Variants in SEC14L3 observed in about 807,000 individuals in gnomAD.
SEC14L3 encodes SEC14-like protein 3.
Under a neutral mutation model 57.4 loss-of-function variants are expected in SEC14L3, and 56 were observed. The ratio of observed to expected loss-of-function variants is 0.97; its 90% confidence interval spans 0.79 to 1.22. The LOEUF (loss-of-function observed/expected upper bound fraction) is 1.22, where lower values mean the gene tolerates loss of function less well. Ranked by LOEUF, SEC14L3 falls within the 50% of genes most tolerant of loss-of-function variation. The pLI is 0.00. For synonymous variants in SEC14L3, 173 were observed against 194.4 expected (o/e 0.89, Z 0.92); for missense variants, 485 against 511.7 (o/e 0.95, Z 0.50).
rs1317459227 is a variant in SEC14L3, at chr22:30,468,387, G to A, written c.423+121C>T. On this transcript the variant is annotated intron_variant, in intron 5 of 11. Transcript: ENST00000215812. ...CACACAGCTGGTAAGCAACAGAGCTGGTGTTTGACCCCAGAGCCCTCTGAC... is the reference window on the plus strand; with the variant it reads ...CACACAGCTGGTAAGCAACAGAGCTAGTGTTTGACCCCAGAGCCCTCTGAC... The A allele has an allele frequency of 1.1e-5, 7 of 659,892 alleles. No homozygotes were observed. The Admixed American group carries it at 1.1e-4, about 10-fold the overall frequency. 40.9% of individuals were successfully genotyped at this position (659,892 alleles called of 1,614,324 possible).
downstream of SEC14L3, among the ~76,000 whole-genome samples, chr22:30,455,230 AT>A (rs1935100080): frequency 7.9e-6 from 1 of 126,274 alleles, no homozygotes; most frequent in South Asian, 2.2e-4. Flanking sequence ...AATATAATAT[AT>A]AATATTTAAT....
chr22:30,456,918 G>C (rs920270224), downstream of SEC14L3, among the ~76,000 whole-genome samples: 2 of 152,164 alleles, frequency 1.3e-5, no homozygotes, highest in African/African-American at 4.8e-5. Context: ...GATGCTGATG[G>C]GCACTTTGCA....
At chr22:30,454,669 ATAATAT>A, downstream of SEC14L3, among the ~76,000 whole-genome samples, 1 of 102,790 alleles carries the variant, frequency 9.7e-6, no homozygotes, top group Non-Finnish European at 1.7e-5. Context: ...TATATAATCT[ATAATAT>A]TATTATATAA....
chr22:30,447,737 G>C (rs910475056), downstream of SEC14L3, among the ~76,000 whole-genome samples: 4 of 152,138 alleles, frequency 2.6e-5, no homozygotes, highest in African/African-American at 9.7e-5. Context: ...TGAGTGAGGA[G>C]GACTTTGGAG....
chr22:30,467,763 A>C (rs1935467782), intron 5 of SEC14L3, among the ~76,000 whole-genome samples: 1 of 152,238 alleles, frequency 6.6e-6, no homozygotes, highest in Non-Finnish European at 1.5e-5. Flanking sequence ...TAGCAAGGGC[A>C]AAGAAAGGCT....
chr22:30,471,930 G>A lies in SEC14L3; in HGVS notation c.29C>T (p.Pro10Leu). The A allele has an allele frequency of 1.2e-6, 2 of 1,611,718 alleles. No homozygotes were observed. Among genetic ancestry groups the A allele is most frequent in the Non-Finnish European group, 1.7e-6 (2 of 1,178,904 alleles). The part of the protein sequence containing the change: MSGRVGDLS[P>L]KQAETLAKFR... ...CTTGGCCAGGGTCTCTGCCTGTTTGGGGCTCAGGTCTCCAACTCGGCCGCT... is the reference window on the plus strand; with the variant it reads ...CTTGGCCAGGGTCTCTGCCTGTTTGAGGCTCAGGTCTCCAACTCGGCCGCT... The change falls in exon 1 of 12, where the codon CCC (proline) becomes CTC (leucine). Residue 10 changes from proline (P) to leucine (L), a missense_variant. Transcript: ENST00000215812.
At chr22:30,468,022 T>C (rs914086177) in intron 5 of SEC14L3, among the ~76,000 whole-genome samples, 5 of 152,164 alleles carry the variant, frequency 3.3e-5, no homozygotes, top group African/African-American at 1.2e-4. Flanking sequence ...GGCTCACGCC[T>C]GTAATCCCAG....
intron 12 of SEC14L3, among the ~76,000 whole-genome samples, chr22:30,452,540 C>T (rs1250040374): frequency 6.6e-6 from 1 of 151,838 alleles, no homozygotes; most frequent in Non-Finnish European, 1.5e-5. Context: ...CTTTTCCAGA[C>T]CTCCCCTTCC....
At chr22:30,454,314 C>T (rs1321703957), downstream of SEC14L3, among the ~76,000 whole-genome samples, 1 of 151,798 alleles carries the variant, frequency 6.6e-6, no homozygotes, top group African/African-American at 2.4e-5. Context: ...TGGTGCCCTG[C>T]CAGCTGGGAG....
At chr22:30,456,943 C>A (rs1362781017), downstream of SEC14L3, among the ~76,000 whole-genome samples, 3 of 152,194 alleles carry the variant, frequency 2.0e-5, no homozygotes, top group East Asian at 5.8e-4. Context: ...TCAGCTCTGG[C>A]CCTGGCCTTA....
At chr22:30,461,764 C>T (rs1259889129) in intron 9 of SEC14L3, 70 bp from the exon 10 acceptor site, 19 of 1,542,720 alleles carry the variant, frequency 1.2e-5, no homozygotes, top group South Asian at 2.4e-5. Flanking sequence ...CTGCCTGAGA[C>T]ACTTTCACCA....
At chr22:30,471,257 C>A in intron 1 of SEC14L3, 1 of 454,298 alleles carries the variant, frequency 2.2e-6, no homozygotes, top group South Asian at 1.6e-5. Context: ...AGCACTCCAG[C>A]CTGGATGACA....
At chr22:30,451,991 C>CA (rs34799395) in intron 12 of SEC14L3, among the ~76,000 whole-genome samples, 12,214 of 33,410 alleles carry the variant, frequency 0.37, 2,455 homozygotes, top group South Asian at 0.57. Flanking sequence ...GACTCCATCT[C>CA]AAAAAAAAAA....
downstream of SEC14L3, among the ~76,000 whole-genome samples, chr22:30,456,043 C>T (rs185306364): frequency 1.6e-4 from 25 of 152,264 alleles, no homozygotes; most frequent in Non-Finnish European, 2.6e-4. Flanking sequence ...TAAGGTGGCT[C>T]ACGCTTGTAA....
At chr22:30,457,631 C>T (rs1312012959), downstream of SEC14L3, among the ~76,000 whole-genome samples, 1 of 151,902 alleles carries the variant, frequency 6.6e-6, no homozygotes, top group Non-Finnish European at 1.5e-5. Flanking sequence ...GATCCGCCTG[C>T]CTTGGCCTCC....
intron 1 of SEC14L3, chr22:30,471,318 T>C (rs1283059473): frequency 8.8e-6 from 4 of 455,120 alleles, no homozygotes; most frequent in East Asian, 1.4e-4. Context: ...GGATAAATAA[T>C]TGGGTGGATG....
At chr22:30,461,987 G>A in intron 9 of SEC14L3, 99 bp downstream of exon 9, 1 of 1,283,078 alleles carries the variant, frequency 7.8e-7, no homozygotes, top group Non-Finnish European at 1.1e-6. Context: ...CCCAGTTCTT[G>A]GCATCTCTCT....
At chr22:30,465,413 T>A (rs1445841281) in intron 7 of SEC14L3, among the ~76,000 whole-genome samples, 1 of 149,690 alleles carries the variant, frequency 6.7e-6, no homozygotes, top group Non-Finnish European at 1.5e-5. Flanking sequence ...CAGCCAACCA[T>A]CCAAATAACC....
Position 30,461,704 on chromosome 22 carries a change from T to TG in SEC14L3, c.772-11dup, listed in dbSNP as rs1313623372. On this transcript the variant is annotated splice_polypyrimidine_tract_variant and intron_variant, in intron 9 of 11. Coordinates refer to ENST00000215812, the MANE Select transcript of SEC14L3 (RefSeq NM_174975.5). ...CCCCGCCATAGTTAATCTGCGGACA[T>TG]GGGATGAGATGGGCTTGCTTCCGTC... 13 of 1,609,030 alleles carry TG rather than the reference T, an allele frequency of 8.1e-6. No individual in the cohort carries two copies. The highest frequency in any genetic ancestry group is 1.1e-5 in the Non-Finnish European group (13 of 1,177,610).
Sources: gnomAD v4.1 joint callset for allele counts (sites outside exome capture counted in the v4.1 genomes callset) on GRCh38, gnomAD v4.1.1 for gene constraint, MANE v1.5 for transcripts, NCBI Gene and HGNC (gene_info 2026-07-23, HGNC 2026-07-21) for gene names.